SYNJ2: variants seen among roughly 807,000 people sequenced by gnomAD.
SYNJ2 encodes polyphosphatidylinositol phosphatase SYNJ2.
In SYNJ2, 116 loss-of-function variants were observed where a neutral mutation model predicts 141.3. The ratio of observed to expected loss-of-function variants is 0.82; its 90% CI spans 0.71 to 0.96. The LOEUF (loss-of-function observed/expected upper bound fraction) is 0.96, where lower values mean the gene tolerates loss of function less well. SYNJ2 is among the 40% of genes least tolerant of loss of function. The pLI is 0.00. For missense variants in SYNJ2, 1,873 were observed against 1,934.8 expected (o/e 0.97, Z 0.60); for synonymous variants, 745 against 777.7 (o/e 0.96, Z 0.70).
At chr6:158,011,624 G>A (rs999880702) in intron 1 of SYNJ2, among the ~76,000 whole-genome samples, 1 of 152,212 alleles carries the variant, frequency 6.6e-6, no homozygotes, top group African/African-American at 2.4e-5. Context: ...TGGCCGGGAT[G>A]TGAAGTCCAC....
intron 1 of SYNJ2, among the ~76,000 whole-genome samples, chr6:157,999,870 C>T (rs1025917362): frequency 2.0e-5 from 3 of 152,084 alleles, no homozygotes; most frequent in Admixed American, 1.3e-4. Context: ...TCTTTCGAGC[C>T]GTGCAGCTCC....
chr6:158,063,938 G>T, intron 9 of SYNJ2, 66 bp downstream of exon 9: 3 of 1,548,304 alleles, frequency 1.9e-6, no homozygotes, highest in Non-Finnish European at 2.7e-6. Flanking sequence ...TGGACAGGCT[G>T]GGCTGAGCAC....
At chr6:158,047,038 A>G (rs1184406432) in intron 5 of SYNJ2, among the ~76,000 whole-genome samples, 2 of 151,888 alleles carry the variant, frequency 1.3e-5, no homozygotes, top group Non-Finnish European at 2.9e-5. Flanking sequence ...CCTGCCAGAA[A>G]CCATTCGCCA....
chr6:158,072,291 A>G (rs1057333491), intron 15 of SYNJ2, among the ~76,000 whole-genome samples: 8 of 152,332 alleles, frequency 5.3e-5, no homozygotes, highest in African/African-American at 1.7e-4. Flanking sequence ...AGGAGCCCAG[A>G]TCCTGCCTGT....
intron 13 of SYNJ2, 107 bp downstream of exon 13, chr6:158,068,835 C>T: frequency 8.3e-7 from 1 of 1,210,470 alleles, no homozygotes; most frequent in South Asian, 1.3e-5. Flanking sequence ...TCTGAGCCAG[C>T]TAAGCTGTGG....
rs1781252229 is a variant in SYNJ2 at position 158,062,017 on chromosome 6, CG to C, written c.983del (p.Gly328AlafsTer5). The C allele has an allele frequency of 6.2e-7, 1 of 1,613,920 alleles. No individual in the cohort carries two copies. Among genetic ancestry groups the C allele is most frequent in the African/African-American group, 1.3e-5 (1 of 74,936 alleles). Reference sequence around the variant, plus strand: ...AAGCTGCTCTGGGCTTCTTGCCACGCGGGCGACACGCCTATGATCAATTTTG... The same window carrying C: ...AAGCTGCTCTGGGCTTCTTGCCACGCGGCGACACGCCTATGATCAATTTTG... ...FKKLLWASCH[A>X]GDTPMINFDF... is the part of the protein sequence containing the mutation. On this transcript the variant is annotated frameshift_variant, in exon 8 of 27. Coordinates refer to ENST00000355585, the MANE Select transcript of SYNJ2 (RefSeq NM_003898.4). LOFTEE classifies it high-confidence loss of function.
intron 16 of SYNJ2, among the ~76,000 whole-genome samples, chr6:158,075,939 A>G (rs141145065): frequency 0.013 from 1,559 of 117,990 alleles, 31 homozygotes; most frequent in African/African-American, 0.049. Flanking sequence ...AAGGATGTGC[A>G]TGGGGGCTCA....
At chr6:158,025,496 TAAC>T (rs1778994617) in intron 2 of SYNJ2, among the ~76,000 whole-genome samples, 1 of 142,638 alleles carries the variant, frequency 7.0e-6, no homozygotes, top group South Asian at 2.3e-4. Context: ...GCCAACATGG[TAAC>T]ACCCCATCTC....
At chr6:158,068,851 G>T (rs1781730631) in intron 13 of SYNJ2, 123 bp downstream of exon 13, 1 of 1,002,710 alleles carries the variant, frequency 1.0e-6, no homozygotes, top group Non-Finnish European at 1.5e-6. Flanking sequence ...TGTGGCCCTG[G>T]CTGTGTGGGG....
chr6:158,081,421 A>C lies in SYNJ2; in HGVS notation c.2787-11A>C, dbSNP rs1180625042. ...GTTCTTGGCATTGACTTGGAGTATC[A>C]TTTATTCCAGGATCAACCAAGGGCA... On this transcript the variant is annotated splice_polypyrimidine_tract_variant and intron_variant, in intron 19 of 26. Transcript: ENST00000355585. 2 of 1,613,848 alleles carry C rather than the reference A, an allele frequency of 1.2e-6. No individual in the cohort carries two copies. Among genetic ancestry groups the C allele is most frequent in the Admixed American group, 1.7e-5 (1 of 60,000 alleles).
Position 158,088,663 on chromosome 6 carries a change from G to T in SYNJ2, c.3347G>T (p.Gly1116Val). The T allele has an allele frequency of 6.2e-7, 1 of 1,613,656 alleles. No homozygotes were observed. Among genetic ancestry groups the T allele is most frequent in the Non-Finnish European group, 8.5e-7 (1 of 1,179,672 alleles). The change falls in exon 24 of 27, where the codon GGT (glycine) becomes GTT (valine). Residue 1116 changes from glycine (G) to valine (V), a missense_variant. Gly to Val is a moderately radical substitution (Grantham distance 109). Transcript: ENST00000355585. ...QPPQRPPPPT[G>V]LMVKKSASDA... is the part of the protein sequence containing the mutation. ...CTGCCCTCGTTGGTTTTTACAGCCG[G>T]TTTAATGGTGAAAAAGTCGGCTTCA...
At chr6:158,076,357 G>A (rs1646512269) in intron 16 of SYNJ2, among the ~76,000 whole-genome samples, 1 of 152,168 alleles carries the variant, frequency 6.6e-6, no homozygotes, top group Non-Finnish European at 1.5e-5. Context: ...TGTCTCCTGG[G>A]GGGCAACAAG....
chr6:158,009,233 G>A (rs1430369069), intron 1 of SYNJ2, among the ~76,000 whole-genome samples: 1 of 152,128 alleles, frequency 6.6e-6, no homozygotes, highest in Admixed American at 6.5e-5. Flanking sequence ...TGTCTATATT[G>A]CACTGATTGA....
chr6:158,042,634 AGCT>A (rs1780010347), intron 4 of SYNJ2, among the ~76,000 whole-genome samples: 1 of 152,258 alleles, frequency 6.6e-6, no homozygotes, highest in African/African-American at 2.4e-5. Context: ...ACTCTGAAAT[AGCT>A]GTACGTGTGG....
At position 158,049,856 on chromosome 6, in the gene SYNJ2, CT is replaced by C. The variant is rs200063807; in HGVS notation, c.796-5110del. Among the ~76,000 whole-genome samples the C allele has an allele frequency of 6.6e-5, 10 of 152,086 alleles. No individual in the cohort carries two copies. In the East Asian group the frequency reaches 1.9e-3, roughly 29 times the overall value. On this transcript the variant is annotated intron_variant, in intron 5 of 26. Transcript: ENST00000355585. ...CATGCCTCTGCTGGTATGCACGCAG[CT>C]CTGCAGGTGGGGACATGGCTCTGCA...
At chr6:157,996,910 A>T in intron 1 of SYNJ2, among the ~76,000 whole-genome samples, 1 of 152,144 alleles carries the variant, frequency 6.6e-6, no homozygotes, top group East Asian at 1.9e-4. Flanking sequence ...GAGCCAATTA[A>T]ATCTCTTTTC....
At chr6:158,085,488 G>A (rs141649434) in intron 22 of SYNJ2, among the ~76,000 whole-genome samples, 21 of 152,322 alleles carry the variant, frequency 1.4e-4, no homozygotes, top group Middle Eastern at 3.4e-3. Flanking sequence ...TAACCAGCAG[G>A]TGCAGGAGCT....
intron 1 of SYNJ2, among the ~76,000 whole-genome samples, chr6:157,993,875 A>G (rs1777548028): frequency 8.2e-6 from 1 of 121,566 alleles, no homozygotes; most frequent in Non-Finnish European, 1.6e-5. Context: ...AGGGCAGTGC[A>G]GCTACCTCGG....
chr6:158,061,910 C>T lies in SYNJ2; in HGVS notation c.955-82C>T, dbSNP rs879819766. 1.9e-4 allele frequency: 266 copies of T among 1,418,132 alleles called. 1 individual carries two copies. The highest frequency in any genetic ancestry group is 2.4e-4 in the Non-Finnish European group (252 of 1,037,550). 87.8% of individuals were successfully genotyped at this position (1,418,132 alleles called of 1,614,324 possible). A position where few individuals can be genotyped will look rare whatever the true frequency, so the allele number is the denominator to read the frequency against. Reference sequence around the variant, plus strand: ...CGGCGAGTCACCTTGGTTAGCCGCACGGGTCAAGCTCTGCAAGGAGCTTGC... The same window carrying T: ...CGGCGAGTCACCTTGGTTAGCCGCATGGGTCAAGCTCTGCAAGGAGCTTGC... On this transcript the variant is annotated intron_variant, in intron 7 of 26. Coordinates refer to ENST00000355585, the MANE Select transcript of SYNJ2 (RefSeq NM_003898.4).
Sources: gnomAD v4.1 joint callset for allele counts (sites outside exome capture counted in the v4.1 genomes callset) on GRCh38, gnomAD v4.1.1 for gene constraint, MANE v1.5 for transcripts, NCBI Gene and HGNC (gene_info 2026-07-23, HGNC 2026-07-21) for gene names.